ZNF366: variants seen among roughly 807,000 people sequenced by gnomAD.
ZNF366 encodes zinc finger protein 366, also known as dendritic cell-specific transcript protein.
A neutral mutation model predicts 47.2 loss-of-function variants in ZNF366; 20 were observed. The ratio of observed to expected loss-of-function variants is 0.42; its 90% confidence interval spans 0.30 to 0.62. The LOEUF is 0.62. Among genes scored for constraint, ZNF366 ranks in the 20% least tolerant of loss-of-function variants. The pLI is 0.16. For missense variants in ZNF366, 987 were observed against 976.3 expected, an observed-to-expected ratio of 1.01 and a Z score of -0.15; for synonymous variants, 421 against 395.1, an observed-to-expected ratio of 1.07 and a Z score of -0.78.
Position 72,443,750 on chromosome 5 carries a change from G to A in ZNF366, c.*6C>T, listed in dbSNP as rs760117737. 1 of 1,603,428 alleles carries A rather than the reference G, an allele frequency of 6.2e-7. No individual in the cohort carries two copies. The highest frequency in any genetic ancestry group is 1.1e-5 in the South Asian group (1 of 89,830). ...ATTTTCCAAATGTAATTTTAAAACT[G>A]TCCACTTAGATACCTAAAAGCACTG... On this transcript the variant is annotated 3_prime_UTR_variant, in exon 5 of 5. Transcript: ENST00000318442.
In ZNF366 at chr5:72,461,232, T is replaced by C. The variant is rs746738459; in HGVS notation, c.265A>G (p.Asn89Asp). 5 of 1,614,050 alleles carry C rather than the reference T, an allele frequency of 3.1e-6. No individual in the cohort carries two copies. Among genetic ancestry groups the C allele is most frequent in the Non-Finnish European group, 4.2e-6 (5 of 1,180,008 alleles). ...RKSMPTKMPY[N>D]HPAEEVTLAL... ...AGGGTGACTTCTTCTGCAGGGTGGT[T>C]ATAGGGCATCTTTGTGGGCATGCTC... Residue 89 changes from asparagine (N) to aspartate (D), a missense_variant, in exon 2 of 5, where the codon AAC (asparagine) becomes GAC (aspartate). Asn to Asp is a conservative substitution (Grantham distance 23). Coordinates refer to ENST00000318442, the MANE Select transcript of ZNF366 (RefSeq NM_152625.3).
Position 72,459,079 on chromosome 5 carries a change from G to T in ZNF366, c.1332+1086C>A, listed in dbSNP as rs747737825. 4.6e-5 allele frequency among the ~76,000 whole-genome samples: 7 copies of T among 152,162 alleles called. No homozygotes were observed. In the East Asian group the frequency reaches 1.3e-3, roughly 29 times the overall value. ...TGGATAGTATCTACAGGTACCTTTT[G>T]TAGGGCAGGAGCTGTTTGTGCAGAG... is the stretch of plus-strand genomic sequence containing the variant. On this transcript the variant is annotated intron_variant, in intron 2 of 4. Transcript: ENST00000318442.
chr5:72,466,974 A>G (rs1743442047), intron 1 of ZNF366, among the ~76,000 whole-genome samples: 1 of 152,350 alleles, frequency 6.6e-6, no homozygotes, highest in Admixed American at 6.5e-5. Context: ...CAGATTCCTG[A>G]AAAGGCCGAA....
chr5:72,455,552 T>C (rs10073367), intron 3 of ZNF366, among the ~76,000 whole-genome samples: 33,136 of 152,112 alleles, frequency 0.22, 3,964 homozygotes, highest in East Asian at 0.5. Flanking sequence ...AACCCAGTCA[T>C]GGCCAATGCT....
intron 1 of ZNF366, among the ~76,000 whole-genome samples, chr5:72,495,618 T>C (rs1163143350): frequency 6.6e-6 from 1 of 152,304 alleles, no homozygotes; most frequent in African/African-American, 2.4e-5. Flanking sequence ...GTTGTGATTT[T>C]ATATGTGGCA....
At chr5:72,484,290 C>A (rs1229788302) in intron 1 of ZNF366, among the ~76,000 whole-genome samples, 1 of 151,448 alleles carries the variant, frequency 6.6e-6, no homozygotes, top group African/African-American at 2.4e-5. Flanking sequence ...CGAGACCATC[C>A]CGGCTAAAAC....
chr5:72,451,368 C>T (rs1015057546), intron 3 of ZNF366, among the ~76,000 whole-genome samples: 2 of 152,136 alleles, frequency 1.3e-5, no homozygotes, highest in African/African-American at 4.8e-5. Context: ...TTTAAAGTGC[C>T]CTTTAAACGT....
chr5:72,485,258 A>T (rs150265678), intron 1 of ZNF366, among the ~76,000 whole-genome samples: 1 of 152,186 alleles, frequency 6.6e-6, no homozygotes, highest in African/African-American at 2.4e-5. Context: ...GACTCTCTCC[A>T]TACTGTTTGC....
intron 2 of ZNF366, among the ~76,000 whole-genome samples, chr5:72,459,606 G>A (rs1032840277): frequency 6.6e-6 from 1 of 152,214 alleles, no homozygotes; most frequent in Admixed American, 6.5e-5. Flanking sequence ...GCTAGGCACG[G>A]GTCCAACGCA....
chr5:72,501,601 T>C (rs76243182), intron 1 of ZNF366, among the ~76,000 whole-genome samples: 2,228 of 152,316 alleles, frequency 0.015, 50 homozygotes, highest in Middle Eastern at 0.054. Context: ...TCTCCCTGAA[T>C]TTACCCCATG....
At chr5:72,492,216 G>A (rs1468360396) in intron 1 of ZNF366, among the ~76,000 whole-genome samples, 1 of 152,178 alleles carries the variant, frequency 6.6e-6, no homozygotes, top group African/African-American at 2.4e-5. Context: ...AGTGAATATA[G>A]GTGACAGGGA....
chr5:72,489,110 T>C (rs1743953445), intron 1 of ZNF366, among the ~76,000 whole-genome samples: 1 of 152,106 alleles, frequency 6.6e-6, no homozygotes, highest in Non-Finnish European at 1.5e-5. Context: ...ATGTGGTGGC[T>C]CATGCCTGTA....
In ZNF366 at chr5:72,461,117, T is replaced by C. The variant is rs1743301409; in HGVS notation, c.380A>G (p.Gln127Arg). 6.2e-7 allele frequency: 1 copy of C among 1,614,152 alleles called. No homozygotes were observed. Among genetic ancestry groups the C allele is most frequent in the Non-Finnish European group, 8.5e-7 (1 of 1,180,026 alleles). The change falls in exon 2 of 5, where the codon CAG becomes CGG. Residue 127 changes from glutamine to arginine, a missense_variant. This residue lies in a region of ZNF366 where 591 missense variants were observed against 560.9 expected (regional missense o/e 1.05). Transcript: ENST00000318442. ...PQPPRPKYDSQMIDLCNVGFQ... is the reference protein window; with the variant it reads ...PQPPRPKYDSRMIDLCNVGFQ... ...GCCCACGTTGCACAGGTCGATCATC[T>C]GAGAGTCATACTTGGGGCGCGGGGG...
At chr5:72,506,111 A>G (rs931690736) in intron 1 of ZNF366, among the ~76,000 whole-genome samples, 1 of 152,244 alleles carries the variant, frequency 6.6e-6, no homozygotes, top group Admixed American at 6.5e-5. Flanking sequence ...AATTTTTAAA[A>G]TGAGAGTCCA....
In ZNF366 at chr5:72,460,718, T is replaced by A. The variant is rs1340536038; in HGVS notation, c.779A>T (p.Lys260Met). The A allele has an allele frequency of 6.2e-7, 1 of 1,614,232 alleles. No homozygotes were observed. Among genetic ancestry groups the A allele is most frequent in the East Asian group, 2.2e-5 (1 of 44,882 alleles). ...QKRWQCPTCEKSYTSKYNLVT... is the reference protein window; with the variant it reads ...QKRWQCPTCEMSYTSKYNLVT... ...CAGGTTGTACTTGGAGGTGTAGGAC[T>A]TCTCGCAGGTGGGGCACTGCCAGCG... Residue 260 changes from lysine (K) to methionine (M), a missense_variant, in exon 2 of 5, where the codon AAG (lysine) becomes ATG (methionine). By Grantham distance (95) the Lys-to-Met change is moderately conservative. This residue lies in a region of ZNF366 where 591 missense variants were observed against 560.9 expected (regional missense o/e 1.05). Coordinates refer to ENST00000318442, the MANE Select transcript of ZNF366 (RefSeq NM_152625.3).
intron 1 of ZNF366, among the ~76,000 whole-genome samples, chr5:72,487,477 C>G (rs1267723080): frequency 6.6e-6 from 1 of 152,174 alleles, no homozygotes; most frequent in Non-Finnish European, 1.5e-5. Context: ...TTTCCATATG[C>G]CTTTTAAGGC....
intron 1 of ZNF366, among the ~76,000 whole-genome samples, chr5:72,482,745 T>TG (rs1272044148): frequency 3.1e-5 from 4 of 128,772 alleles, no homozygotes; most frequent in East Asian, 2.2e-4. Flanking sequence ...GCATTTCTAT[T>TG]TTGTGTGTGT....
At chr5:72,475,079 G>A (rs1371567316) in intron 1 of ZNF366, among the ~76,000 whole-genome samples, 1 of 152,144 alleles carries the variant, frequency 6.6e-6, no homozygotes, top group Non-Finnish European at 1.5e-5. Context: ...CTTCTTTGAG[G>A]AGGCTCAATG....
intron 1 of ZNF366, among the ~76,000 whole-genome samples, chr5:72,482,538 C>T (rs957752784): frequency 6.6e-6 from 1 of 152,254 alleles, no homozygotes; most frequent in African/African-American, 2.4e-5. Context: ...CATCTATGAG[C>T]CCTAAAGATT....
Sources: allele counts gnomAD v4.1 joint callset (sites outside exome capture counted in the v4.1 genomes callset), GRCh38; gene constraint gnomAD v4.1.1; regional missense constraint gnomAD v4.1.1; transcripts MANE v1.5; gene names NCBI Gene and HGNC (gene_info 2026-07-23, HGNC 2026-07-21).